The following PALS2 variants were observed in gnomAD, a reference collection of about 807,000 sequenced individuals.
The protein encoded by PALS2 is protein associated with LIN7 2, MAGUK p55 family member.
Under a neutral mutation model 61.6 loss-of-function variants are expected in PALS2, and 27 were observed. That is an observed-to-expected ratio of 0.44 (90% confidence interval 0.32 to 0.60). PALS2 has a LOEUF of 0.60. PALS2 is among the 20% of genes least tolerant of loss of function. The probability of loss-of-function intolerance (pLI) is 0.05; values close to 1 mark genes in which losing one functional copy is unlikely to be tolerated. For synonymous variants in PALS2, 236 were observed against 218.6 expected, an observed-to-expected ratio of 1.08 and a Z score of -0.70; for missense variants, 554 against 639.4, an observed-to-expected ratio of 0.87 and a Z score of 1.44.
At chr7:24,665,888 C>G in intron 7 of PALS2, 133 bp from the exon 8 acceptor site, 1 of 986,114 alleles carries the variant, frequency 1.0e-6, no homozygotes, top group South Asian at 1.6e-5. Context: ...TGGCTTAACT[C>G]ACCTCCACCC....
rs1341675789 is a variant in PALS2 at position 24,596,089 on chromosome 7, A to G, written c.-3+22496A>G. On this transcript the variant is annotated intron_variant, in intron 1 of 11. Coordinates refer to ENST00000222644, the MANE Select transcript of PALS2 (RefSeq NM_001303037.2). The surrounding 1 kb of genome is among the most constrained non-coding windows in gnomAD (Gnocchi z 4.5). ...AGAGTGTGGCTAGTTTTCTAAGTAC[A>G]GTGGGAAGCCTTTGGGTAGTTTTAG... Among the ~76,000 whole-genome samples the G allele has an allele frequency of 1.3e-5, 2 of 152,070 alleles. No homozygotes were observed. Among genetic ancestry groups the G allele is most frequent in the Non-Finnish European group, 2.9e-5 (2 of 67,992 alleles).
At chr7:24,624,257 A>G (rs761158579) in intron 2 of PALS2, 32 of 528,434 alleles carry the variant, frequency 6.1e-5, no homozygotes, top group Non-Finnish European at 8.7e-5. Flanking sequence ...ACTCTGGAGT[A>G]ATCTCTTTAA....
chr7:24,640,819 T>C (rs527618654), intron 2 of PALS2, among the ~76,000 whole-genome samples: 104 of 151,928 alleles, frequency 6.8e-4, no homozygotes, highest in African/African-American at 1.9e-3. Context: ...CCATCCTGGC[T>C]AACATGGTGA....
intron 1 of PALS2, among the ~76,000 whole-genome samples, chr7:24,580,115 T>C (rs540502158): frequency 6.6e-6 from 1 of 152,146 alleles, no homozygotes. Context: ...GAGGGGTACA[T>C]GTTGGGAGAA....
chr7:24,671,515 A>T (rs1325584749), intron 9 of PALS2, among the ~76,000 whole-genome samples: 2 of 152,156 alleles, frequency 1.3e-5, no homozygotes, highest in African/African-American at 4.8e-5. Context: ...TTTGATATAC[A>T]AAAGTTTTTC....
At chr7:24,617,753 G>A (rs925450686) in intron 1 of PALS2, among the ~76,000 whole-genome samples, 13 of 152,166 alleles carry the variant, frequency 8.5e-5, no homozygotes, top group Admixed American at 3.3e-4. Flanking sequence ...ATGAGTGAAC[G>A]CTGTGATGAG....
intron 3 of PALS2, among the ~76,000 whole-genome samples, chr7:24,642,170 T>A (rs1785591442): frequency 6.6e-6 from 1 of 152,192 alleles, no homozygotes; most frequent in Non-Finnish European, 1.5e-5. Context: ...GCCATTTTCC[T>A]CACTATGATA....
chr7:24,628,011 C>T (rs910149537), intron 2 of PALS2, among the ~76,000 whole-genome samples: 1 of 152,198 alleles, frequency 6.6e-6, no homozygotes, highest in South Asian at 2.1e-4. Context: ...CTCCCTAACT[C>T]ATTTTATGAG....
intron 1 of PALS2, among the ~76,000 whole-genome samples, chr7:24,619,574 T>C (rs1480930052): frequency 6.6e-6 from 1 of 151,720 alleles, no homozygotes. Flanking sequence ...AAAAATTAGC[T>C]GGCCGTGGTG....
chr7:24,667,840 A>G lies in PALS2; in HGVS notation c.953-659A>G, dbSNP rs1157725792. On this transcript the variant is annotated intron_variant, in intron 8 of 11. Transcript: ENST00000222644. ...CCACCACGCCTAGCTAATTTTTTGT[A>G]TTTTTTTAGTAGAGACGAGGTTTCA... Among the ~76,000 whole-genome samples the G allele has an allele frequency of 2.0e-5, 3 of 151,006 alleles. 1 individual carries two copies. Among genetic ancestry groups the G allele is most frequent in the Admixed American group, 2.0e-4 (3 of 15,150 alleles).
At chr7:24,664,072 G>C (rs911646612) in intron 6 of PALS2, among the ~76,000 whole-genome samples, 1 of 152,096 alleles carries the variant, frequency 6.6e-6, no homozygotes, top group Admixed American at 6.5e-5. Context: ...TTTATTTTAA[G>C]TAGGAGACTT....
intron 1 of PALS2, among the ~76,000 whole-genome samples, chr7:24,584,978 T>C (rs1392881358): frequency 1.3e-4 from 20 of 151,704 alleles, no homozygotes; most frequent in African/African-American, 4.1e-4. Flanking sequence ...GTTGTAGATA[T>C]GTGGCATTAT....
intron 1 of PALS2, among the ~76,000 whole-genome samples, chr7:24,591,285 C>A (rs930117195): frequency 6.6e-6 from 1 of 152,040 alleles, no homozygotes; most frequent in Non-Finnish European, 1.5e-5. Context: ...AAAGCATAGT[C>A]TTTGGCTGTA....
At chr7:24,623,149 T>C (rs1354481221) in intron 1 of PALS2, among the ~76,000 whole-genome samples, 3 of 151,728 alleles carry the variant, frequency 2.0e-5, no homozygotes, top group African/African-American at 7.3e-5. Context: ...GGGTTTAGTA[T>C]CAGGGTAATT....
intron 2 of PALS2, among the ~76,000 whole-genome samples, chr7:24,635,231 A>G (rs1219164369): frequency 2.0e-5 from 3 of 152,056 alleles, no homozygotes; most frequent in Non-Finnish European, 2.9e-5. Context: ...TCTTTCAACA[A>G]TGTTTTATAA....
rs576881747 is a variant in PALS2, at chr7:24,631,678, A to G, written c.117+7894A>G. Among the ~76,000 whole-genome samples, 17 of 152,258 alleles carry G rather than the reference A, an allele frequency of 1.1e-4. No individual in the cohort carries two copies. The East Asian group carries it at 3.3e-3, about 29-fold the overall frequency. On this transcript the variant is annotated intron_variant, in intron 2 of 11. Transcript: ENST00000222644. Reference sequence around the variant, plus strand: ...GTCCATCAATGTGGCAAACCTTATTATTGTCTTATTTTAAGAAATTGCCAC... The same window carrying G: ...GTCCATCAATGTGGCAAACCTTATTGTTGTCTTATTTTAAGAAATTGCCAC...
chr7:24,626,304 GAAGA>G (rs1784740230), intron 2 of PALS2, among the ~76,000 whole-genome samples: 1 of 151,762 alleles, frequency 6.6e-6, no homozygotes, highest in Non-Finnish European at 1.5e-5. Context: ...AACTAATAGA[GAAGA>G]AAGAATGAAA....
rs1018888620 is a variant in PALS2 at position 24,691,183 on chromosome 7, T to G, written c.*3569T>G. 6.6e-6 allele frequency: 1 copy of G among 151,878 alleles called. No homozygotes were observed. The highest frequency in any genetic ancestry group is 2.4e-5 in the African/African-American group (1 of 41,410). 9.4% of individuals were successfully genotyped at this position (151,878 alleles called of 1,614,324 possible). ...GAATTGGCAAACTAAAGATAACAAT[T>G]TTGAAAATTGCTCAAAATAATAATC... On this transcript the variant is annotated 3_prime_UTR_variant, in exon 12 of 12. Transcript: ENST00000222644.
chr7:24,678,137 A>C (rs555916160), intron 9 of PALS2, among the ~76,000 whole-genome samples: 12 of 152,276 alleles, frequency 7.9e-5, no homozygotes, highest in Admixed American at 7.2e-4. Context: ...CACGCTCAAA[A>C]ATTACTTTTC....
Sources: allele counts gnomAD v4.1 joint callset (sites outside exome capture counted in the v4.1 genomes callset), GRCh38; gene constraint gnomAD v4.1.1; non-coding constraint Gnocchi (gnomAD v3.1); transcripts MANE v1.5; gene names NCBI Gene and HGNC (gene_info 2026-07-23, HGNC 2026-07-21).